The following TFB1M variants were observed in gnomAD, a reference collection of about 807,000 sequenced individuals.
TFB1M encodes transcription factor B1, mitochondrial, also known as dimethyladenosine transferase 1, mitochondrial.
A neutral mutation model predicts 31.1 loss-of-function variants in TFB1M; 27 were observed. The observed-to-expected ratio is 0.87, with a 90% CI of 0.64 to 1.20. The LOEUF (loss-of-function observed/expected upper bound fraction) is 1.20. TFB1M is among the 50% of genes most tolerant of loss of function. The pLI, the probability that TFB1M is intolerant of heterozygous loss-of-function variation, is 0.00. For missense variants in TFB1M, 394 were observed against 418.7 expected (o/e 0.94, Z 0.51); for synonymous variants, 166 against 151.8 (o/e 1.09, Z -0.69).
intron 5 of TFB1M, chr6:155,260,686 A>C (rs1784354653): frequency 2.2e-6 from 1 of 462,352 alleles, no homozygotes; most frequent in Admixed American, 3.4e-5. Flanking sequence ...ATGGCTTAAA[A>C]ATCAATCCAA....
chr6:155,269,512 A>C (rs1488376081), intron 5 of TFB1M, among the ~76,000 whole-genome samples: 1 of 151,716 alleles, frequency 6.6e-6, no homozygotes, highest in African/African-American at 2.4e-5. Context: ...AGTAGAGGCA[A>C]GGTTTCACCA....
the TFB1M span, among the ~76,000 whole-genome samples, chr6:155,235,404 A>G: frequency 6.6e-6 from 1 of 152,202 alleles, no homozygotes; most frequent in Non-Finnish European, 1.5e-5. Context: ...TCTGACTCTC[A>G]TCTGTGCTTT....
At chr6:155,249,900 G>A in the TFB1M span, 1 of 1,614,168 alleles carries the variant, frequency 6.2e-7, no homozygotes, top group Non-Finnish European at 8.5e-7. Flanking sequence ...ATGAGATGCA[G>A]AAGATCTATG....
intron 5 of TFB1M, among the ~76,000 whole-genome samples, chr6:155,281,721 C>CAAAAAAAAAAAAAAAAAAAAAAAAAA: frequency 1.6e-5 from 1 of 63,236 alleles, no homozygotes; most frequent in Non-Finnish European, 2.9e-5. Context: ...GACTCTGTCT[C>CAAAAAAAAAAAAAAAAAAAAAAAAAA]AAAAAAAAAA....
chr6:155,298,789 AACAG>A (rs1456132115), intron 2 of TFB1M, among the ~76,000 whole-genome samples: 9 of 152,236 alleles, frequency 5.9e-5, no homozygotes, highest in African/African-American at 2.2e-4. Context: ...TAGGGATAGT[AACAG>A]ACAGTACAAC....
intron 5 of TFB1M, among the ~76,000 whole-genome samples, chr6:155,275,033 A>G (rs1785107400): frequency 1.3e-5 from 2 of 151,880 alleles, no homozygotes; most frequent in African/African-American, 2.4e-5. Flanking sequence ...CCTGGCTAAC[A>G]GGGTGAAACC....
At chr6:155,269,230 T>C (rs184072815) in intron 5 of TFB1M, among the ~76,000 whole-genome samples, 114 of 151,942 alleles carry the variant, frequency 7.5e-4, no homozygotes, top group Non-Finnish European at 1.3e-3. Context: ...AAAATCATTG[T>C]TTTGGGACTC....
At chr6:155,269,666 T>A (rs1353265492) in intron 5 of TFB1M, among the ~76,000 whole-genome samples, 1 of 152,156 alleles carries the variant, frequency 6.6e-6, no homozygotes, top group East Asian at 1.9e-4. Context: ...AGGTTTGTCT[T>A]GAGAATTAAG....
At chr6:155,308,601 C>A (rs1777886945) in intron 2 of TFB1M, among the ~76,000 whole-genome samples, 1 of 152,112 alleles carries the variant, frequency 6.6e-6, no homozygotes, top group African/African-American at 2.4e-5. Flanking sequence ...GTCTTTACCA[C>A]AAAACTATAC....
the TFB1M span, chr6:155,251,036 C>G: frequency 6.2e-7 from 1 of 1,603,352 alleles, no homozygotes. Context: ...GTATTCCATT[C>G]AGAAGAATGC....
chr6:155,313,383 G>A (rs939130922), intron 1 of TFB1M: 3 of 152,126 alleles, frequency 2.0e-5, no homozygotes, highest in Non-Finnish European at 4.4e-5. Flanking sequence ...CTTCATTTAA[G>A]TGAAAATGAA....
the TFB1M span, among the ~76,000 whole-genome samples, chr6:155,245,069 C>G: frequency 2.0e-5 from 3 of 152,152 alleles, no homozygotes; most frequent in Non-Finnish European, 4.4e-5. Flanking sequence ...TGAAGGATAT[C>G]CAAGGTGGTT....
intron 4 of TFB1M, among the ~76,000 whole-genome samples, chr6:155,296,513 C>A (rs1468269230): frequency 6.7e-6 from 1 of 148,646 alleles, no homozygotes; most frequent in Non-Finnish European, 1.5e-5. Context: ...CTCCTGACCT[C>A]GTGATCCGCC....
chr6:155,244,551 T>C, the TFB1M span: 2 of 1,370,346 alleles, frequency 1.5e-6, no homozygotes, highest in Non-Finnish European at 2.0e-6. Flanking sequence ...TTCTGTCTGC[T>C]TTTCCGTGAA....
chr6:155,307,226 G>A (rs1777820694), intron 2 of TFB1M, among the ~76,000 whole-genome samples: 1 of 151,954 alleles, frequency 6.6e-6, no homozygotes, highest in Non-Finnish European at 1.5e-5. Context: ...AGTTTACTGA[G>A]CATCAACTGT....
At chr6:155,299,607 A>T (rs1777337279) in intron 2 of TFB1M, 1 of 152,218 alleles carries the variant, frequency 6.6e-6, no homozygotes, top group Non-Finnish European at 1.5e-5. Context: ...CAGAGCTCGG[A>T]GAACCTTGGC....
downstream of TFB1M, chr6:155,252,973 A>G: frequency 6.2e-7 from 1 of 1,612,872 alleles, no homozygotes; most frequent in Non-Finnish European, 8.5e-7. Flanking sequence ...CCTGCACACA[A>G]CTCTACTGAC....
At chr6:155,244,753 T>C in the TFB1M span, 8 of 1,613,724 alleles carry the variant, frequency 5.0e-6, no homozygotes, top group Non-Finnish European at 8.5e-7. Context: ...CATCTGACTT[T>C]AACACCCTAG....
chr6:155,244,958 T>C, the TFB1M span: 7 of 828,684 alleles, frequency 8.4e-6, no homozygotes, highest in African/African-American at 5.3e-5. Context: ...GAAGGCTGTA[T>C]ATATTTTTTT....
Sources: allele counts gnomAD v4.1 joint callset (sites outside exome capture counted in the v4.1 genomes callset), GRCh38; gene constraint gnomAD v4.1.1; transcripts MANE v1.5; gene names NCBI Gene and HGNC (gene_info 2026-07-23, HGNC 2026-07-21).